Variants in CWC22 observed in about 807,000 individuals in gnomAD.
CWC22 encodes the protein CWC22 spliceosome associated protein.
A neutral mutation model predicts 117.2 loss-of-function variants in CWC22; 53 were observed. The observed-to-expected ratio is 0.45, with a 90% confidence interval of 0.36 to 0.57. The LOEUF (loss-of-function observed/expected upper bound fraction) is 0.57, where lower values mean the gene tolerates loss of function less well. CWC22 is among the 20% of genes least tolerant of loss of function. CWC22 has a pLI of 0.00. For synonymous variants in CWC22, 360 were observed against 355.6 expected (o/e 1.01, Z -0.14); for missense variants, 980 against 1,068.8 (o/e 0.92, Z 1.16).
Position 179,954,188 on chromosome 2 carries a change from T to C in CWC22, c.1689+17A>G, listed in dbSNP as rs371141851. ...GGGAATTAGGAAGGAAGTATAAATA[T>C]TGACCCATGTACTTACACTCCATGG... On this transcript the variant is annotated intron_variant, in intron 16 of 19. Transcript: ENST00000410053. 2.3e-5 allele frequency: 36 copies of C among 1,576,400 alleles called. No individual in the cohort carries two copies. The highest frequency in any genetic ancestry group is 3.4e-4 in the Middle Eastern group (2 of 5,916).
chr2:179,953,182 CAA>C (rs1245656891), intron 16 of CWC22, among the ~76,000 whole-genome samples: 1 of 151,780 alleles, frequency 6.6e-6, no homozygotes, highest in Non-Finnish European at 1.5e-5. Context: ...TTCATTTTCT[CAA>C]AGAGGGGAAA....
At chr2:179,996,457 A>C (rs1186741460) in intron 1 of CWC22, among the ~76,000 whole-genome samples, 1 of 152,206 alleles carries the variant, frequency 6.6e-6, no homozygotes, top group Non-Finnish European at 1.5e-5. Context: ...GTTAAAGCCA[A>C]AGATAAAGAG....
At chr2:179,980,957 T>G (rs1687271406) in intron 5 of CWC22, among the ~76,000 whole-genome samples, 1 of 152,202 alleles carries the variant, frequency 6.6e-6, no homozygotes. Flanking sequence ...TAGCTGTACT[T>G]TCCTAAATAG....
At chr2:180,002,422 C>T (rs1177188101) in intron 1 of CWC22, among the ~76,000 whole-genome samples, 5 of 152,078 alleles carry the variant, frequency 3.3e-5, no homozygotes, top group Non-Finnish European at 5.9e-5. Flanking sequence ...TGGCATGTGC[C>T]TAGAGTCCCA....
rs556969495 is a variant in CWC22 at position 179,956,492 on chromosome 2, A to C, written c.1459-1458T>G. ...GTTGTATTGGACAGCACCGCTTTAG[A>C]TACTGATACTCAAGGAACAATCTAC... is the stretch of plus-strand genomic sequence containing the variant. On this transcript the variant is annotated intron_variant, in intron 14 of 19. Coordinates refer to ENST00000410053, the MANE Select transcript of CWC22 (RefSeq NM_020943.3). 3.5e-4 allele frequency among the ~76,000 whole-genome samples: 53 copies of C among 151,652 alleles called. 1 individual carries two copies. Among genetic ancestry groups the C allele is most frequent in the African/African-American group, 1.2e-3 (51 of 41,472 alleles).
intron 13 of CWC22, among the ~76,000 whole-genome samples, chr2:179,962,261 A>G (rs2105518640): frequency 6.6e-6 from 1 of 152,268 alleles, no homozygotes; most frequent in African/African-American, 2.4e-5. Flanking sequence ...AAAAAATAAA[A>G]TTTCCACACA....
Position 179,962,107 on chromosome 2 carries a change from C to A in CWC22, c.1397+2440G>T, listed in dbSNP as rs189776550. On this transcript the variant is annotated intron_variant, in intron 13 of 19. Transcript: ENST00000410053. ...ATCAGACTGGAATATCGTTTAAAAG[C>A]AAGAACAAAGAGGAATGTTTTATTT... Among the ~76,000 whole-genome samples, 4 of 152,020 alleles carry A rather than the reference C, an allele frequency of 2.6e-5. No homozygotes were observed. In the East Asian group the frequency reaches 7.7e-4, roughly 29 times the overall value.
chr2:179,971,127 T>G, intron 8 of CWC22, 51 bp from the exon 9 acceptor site: 1 of 1,215,994 alleles, frequency 8.2e-7, no homozygotes, highest in Non-Finnish European at 1.1e-6. Flanking sequence ...TTACATACAT[T>G]AAATTATTTT....
chr2:179,946,286 C>G (rs576389304), intron 19 of CWC22, among the ~76,000 whole-genome samples: 33 of 151,518 alleles, frequency 2.2e-4, no homozygotes, highest in African/African-American at 8.0e-4. Context: ...CCCTTCTCTA[C>G]AAAAAATTCA....
intron 1 of CWC22, among the ~76,000 whole-genome samples, chr2:179,996,562 G>A (rs1005788734): frequency 7.2e-5 from 11 of 151,976 alleles, no homozygotes; most frequent in African/African-American, 2.7e-4. Flanking sequence ...AAACTAAATA[G>A]ACCATGTTCT....
At chr2:179,975,845 G>A (rs771027668) in intron 6 of CWC22, among the ~76,000 whole-genome samples, 1 of 152,134 alleles carries the variant, frequency 6.6e-6, no homozygotes, top group Non-Finnish European at 1.5e-5. Flanking sequence ...GCAACATACA[G>A]ACTGGACTCA....
At chr2:179,975,306 G>A (rs1253356100) in intron 6 of CWC22, among the ~76,000 whole-genome samples, 40 of 151,992 alleles carry the variant, frequency 2.6e-4, no homozygotes. Flanking sequence ...TGGAATAAAG[G>A]CCATATATGA....
At chr2:179,981,277 C>T (rs1162765199) in intron 5 of CWC22, among the ~76,000 whole-genome samples, 3 of 152,148 alleles carry the variant, frequency 2.0e-5, no homozygotes, top group East Asian at 1.9e-4. Flanking sequence ...ATTTCAAGAG[C>T]GGAGTTAAGT....
At chr2:180,006,378 A>G (rs1326097364) in intron 1 of CWC22, among the ~76,000 whole-genome samples, 2 of 152,226 alleles carry the variant, frequency 1.3e-5, no homozygotes, top group African/African-American at 4.8e-5. Flanking sequence ...AGAGCTCGTT[A>G]GAGAGGTGGA....
chr2:179,973,597 C>T (rs1687083352), intron 7 of CWC22, 37 bp downstream of exon 7: 5 of 1,323,100 alleles, frequency 3.8e-6, no homozygotes, highest in Non-Finnish European at 5.2e-6. Context: ...TAGTTTGTTC[C>T]TATGTATCAT....
At chr2:180,000,115 C>T (rs548691201) in intron 1 of CWC22, among the ~76,000 whole-genome samples, 2 of 152,134 alleles carry the variant, frequency 1.3e-5, no homozygotes, top group Non-Finnish European at 1.5e-5. Context: ...TTAGAAAAAC[C>T]GTTTCTTGCT....
intron 1 of CWC22, among the ~76,000 whole-genome samples, chr2:179,995,817 C>T (rs901756378): frequency 1.3e-5 from 2 of 152,168 alleles, no homozygotes; most frequent in African/African-American, 2.4e-5. Flanking sequence ...GTCTGTACCA[C>T]GCAAGGGTGG....
chr2:179,958,637 G>T (rs1395167336), intron 14 of CWC22, among the ~76,000 whole-genome samples: 1 of 151,174 alleles, frequency 6.6e-6, no homozygotes, highest in Non-Finnish European at 1.5e-5. Flanking sequence ...TTCCAATGTA[G>T]CCCAGAGAAA....
intron 19 of CWC22, among the ~76,000 whole-genome samples, chr2:179,947,808 G>A (rs1686346927): frequency 6.6e-6 from 1 of 152,230 alleles, no homozygotes; most frequent in Non-Finnish European, 1.5e-5. Flanking sequence ...GAACAAAGGT[G>A]TAAAGATTGG....
Sources: allele counts gnomAD v4.1 joint callset (sites outside exome capture counted in the v4.1 genomes callset), GRCh38; gene constraint gnomAD v4.1.1; transcripts MANE v1.5; gene names NCBI Gene and HGNC (gene_info 2026-07-23, HGNC 2026-07-21).